The following GLIS3 variants were observed in gnomAD, a reference collection of about 807,000 sequenced individuals.
GLIS3 encodes the protein zinc finger protein GLIS3.
In GLIS3, 53 loss-of-function variants were observed where a neutral mutation model predicts 78.6. The ratio of observed to expected loss-of-function variants is 0.67; its 90% CI spans 0.54 to 0.85. GLIS3 has a LOEUF of 0.85. Among genes scored for constraint, GLIS3 ranks in the 40% least tolerant of loss-of-function variants. The pLI is 0.00. For synonymous variants in GLIS3, 684 were observed against 509.9 expected, an observed-to-expected ratio of 1.34 and a Z score of -4.60; for missense variants, 1,703 against 1,231.1, an observed-to-expected ratio of 1.38 and a Z score of -5.74.
chr9:4,201,185 C>T (rs1041126184), intron 2 of GLIS3, among the ~76,000 whole-genome samples: 1 of 152,110 alleles, frequency 6.6e-6, no homozygotes, highest in Non-Finnish European at 1.5e-5. Flanking sequence ...GAACATACCT[C>T]AAAATAATCA....
chr9:4,259,167 G>C (rs1825268604), intron 2 of GLIS3, among the ~76,000 whole-genome samples: 1 of 152,144 alleles, frequency 6.6e-6, no homozygotes, highest in South Asian at 2.1e-4. Context: ...GCAAGACTCA[G>C]AAACCTAGAA....
chr9:3,918,994 T>C (rs968738306), intron 6 of GLIS3, among the ~76,000 whole-genome samples: 3 of 152,068 alleles, frequency 2.0e-5, no homozygotes, highest in Non-Finnish European at 4.4e-5. Context: ...CCTACATATA[T>C]GGAAGAGGGT....
intron 2 of GLIS3, among the ~76,000 whole-genome samples, chr9:4,266,298 C>T (rs1162014376): frequency 6.6e-6 from 1 of 152,056 alleles, no homozygotes; most frequent in Non-Finnish European, 1.5e-5. Flanking sequence ...AAAATCTTTG[C>T]TTCAAGCTTC....
intron 4 of GLIS3, among the ~76,000 whole-genome samples, chr9:4,113,556 T>C (rs1478653820): frequency 6.6e-6 from 1 of 152,228 alleles, no homozygotes; most frequent in Non-Finnish European, 1.5e-5. Context: ...TTAAGAATTA[T>C]GCTTACATGA....
intron 2 of GLIS3, among the ~76,000 whole-genome samples, chr9:4,268,106 G>T (rs899645333): frequency 6.6e-6 from 1 of 152,112 alleles, no homozygotes; most frequent in African/African-American, 2.4e-5. Context: ...GTGATTAAAA[G>T]CATGTATTCT....
intron 4 of GLIS3, among the ~76,000 whole-genome samples, chr9:4,076,296 C>A (rs1030912173): frequency 6.6e-6 from 1 of 151,962 alleles, no homozygotes; most frequent in Non-Finnish European, 1.5e-5. Context: ...AACATAATTG[C>A]AAAAGAAAAA....
chr9:3,960,946 C>T (rs1355898869), intron 4 of GLIS3, among the ~76,000 whole-genome samples: 10 of 152,168 alleles, frequency 6.6e-5, no homozygotes, highest in Admixed American at 4.6e-4. Flanking sequence ...GGCAACCTTC[C>T]ACCCCTTTGC....
chr9:3,966,632 T>C (rs1463468297), intron 4 of GLIS3, among the ~76,000 whole-genome samples: 1 of 151,776 alleles, frequency 6.6e-6, no homozygotes, highest in African/African-American at 2.4e-5. Flanking sequence ...CTGTCTCTAC[T>C]AAAACTACAA....
intron 2 of GLIS3, among the ~76,000 whole-genome samples, chr9:4,202,432 A>AAAATT (rs1819489073): frequency 8.4e-5 from 2 of 23,894 alleles, no homozygotes; most frequent in African/African-American, 2.4e-4. Flanking sequence ...CTCAAAAAAT[A>AAAATT]AAATAAAATA....
At chr9:4,298,290 C>T (rs1201351566) in intron 1 of GLIS3, 3 of 448,886 alleles carry the variant, frequency 6.7e-6, no homozygotes, top group East Asian at 1.5e-4. Flanking sequence ...CCTGTGGTTT[C>T]CTTTCGCTTC....
chr9:4,114,948 C>T (rs1388726717), intron 4 of GLIS3, among the ~76,000 whole-genome samples: 3 of 152,206 alleles, frequency 2.0e-5, no homozygotes, highest in Non-Finnish European at 4.4e-5. Context: ...TGATGTGAAT[C>T]CCAGGGTTCT....
the GLIS3 span, among the ~76,000 whole-genome samples, chr9:4,436,903 A>G: frequency 1.3e-5 from 2 of 151,888 alleles, no homozygotes; most frequent in Non-Finnish European, 2.9e-5. Context: ...GTGATGTGTA[A>G]TCAGAATAAT....
intron 9 of GLIS3, among the ~76,000 whole-genome samples, chr9:3,841,155 C>G (rs764943356): frequency 6.6e-5 from 10 of 152,156 alleles, no homozygotes; most frequent in Admixed American, 1.3e-4. Context: ...CCAAACCACC[C>G]AAAACCCTAG....
In GLIS3 at chr9:3,861,743, C is replaced by T. The variant is rs544286904; in HGVS notation, c.2298-5559G>A. On this transcript the variant is annotated intron_variant, in intron 8 of 10. Transcript: ENST00000381971. The stretch of plus-strand genomic sequence containing the variant: ...AAGTGGGAGCTGAACAATGAGAACA[C>T]ATGGACACAGGGAGGGGAACAGCAC... Among the ~76,000 whole-genome samples the T allele has an allele frequency of 1.3e-4, 20 of 152,196 alleles. No individual in the cohort carries two copies. In the South Asian group the frequency reaches 2.7e-3, roughly 21 times the overall value.
chr9:4,122,310 C>T (rs1311517332), intron 3 of GLIS3, among the ~76,000 whole-genome samples: 2 of 152,154 alleles, frequency 1.3e-5, no homozygotes, highest in African/African-American at 4.8e-5. Flanking sequence ...GACGGCCAGT[C>T]CTAGTCTATC....
At chr9:4,395,218 T>C in the GLIS3 span, among the ~76,000 whole-genome samples, 2 of 152,182 alleles carry the variant, frequency 1.3e-5, no homozygotes, top group African/African-American at 2.4e-5. Flanking sequence ...TCCAGTCACA[T>C]CTTCTCCCTT....
At chr9:3,849,857 A>G (rs1157099017) in intron 9 of GLIS3, among the ~76,000 whole-genome samples, 3 of 151,840 alleles carry the variant, frequency 2.0e-5, no homozygotes, top group Admixed American at 2.0e-4. Flanking sequence ...TGCAGTGAAC[A>G]TAGATTGCGC....
intron 4 of GLIS3, among the ~76,000 whole-genome samples, chr9:3,942,538 T>A (rs1816003231): frequency 6.6e-6 from 1 of 152,186 alleles, no homozygotes; most frequent in South Asian, 2.1e-4. Flanking sequence ...AAGCTGTAAG[T>A]GAAAGATTAC....
intron 4 of GLIS3, among the ~76,000 whole-genome samples, chr9:3,978,741 C>G (rs1818996006): frequency 6.6e-6 from 1 of 151,934 alleles, no homozygotes; most frequent in African/African-American, 2.4e-5. Flanking sequence ...AATAAATTAT[C>G]TTAGGATAAA....
Sources: gnomAD v4.1 joint callset for allele counts (sites outside exome capture counted in the v4.1 genomes callset) on GRCh38, gnomAD v4.1.1 for gene constraint, MANE v1.5 for transcripts, NCBI Gene and HGNC (gene_info 2026-07-23, HGNC 2026-07-21) for gene names.